FNDC3B: variants seen among roughly 807,000 people sequenced by gnomAD.
FNDC3B encodes fibronectin type III domain containing 3B, also known as fibronectin type III domain-containing protein 3B.
A neutral mutation model predicts 151.5 loss-of-function variants in FNDC3B; 12 were observed. The observed-to-expected ratio is 0.08, with a 90% CI of 0.05 to 0.13. The LOEUF (loss-of-function observed/expected upper bound fraction) is 0.13. Ranked by LOEUF, FNDC3B falls within the 10% of genes least tolerant of loss-of-function variation. The pLI, the probability that FNDC3B is intolerant of heterozygous loss-of-function variation, is 1.00. For missense variants in FNDC3B, 1,214 were observed against 1,505.3 expected, an observed-to-expected ratio of 0.81 and a Z score of 3.20; for synonymous variants, 528 against 549.0, an observed-to-expected ratio of 0.96 and a Z score of 0.54.
chr3:172,290,533 T>C (rs1168774251), intron 7 of FNDC3B, among the ~76,000 whole-genome samples: 2 of 152,178 alleles, frequency 1.3e-5, no homozygotes, highest in African/African-American at 2.4e-5. Context: ...TCCCATAGAC[T>C]GGTGGGCTGT....
intron 16 of FNDC3B, among the ~76,000 whole-genome samples, chr3:172,339,310 T>TCCCA (rs1412040683): frequency 6.6e-6 from 1 of 151,368 alleles, no homozygotes; most frequent in African/African-American, 2.4e-5. Flanking sequence ...ACACCTGTAA[T>TCCCA]CCCAGCACTT....
intron 3 of FNDC3B, chr3:172,186,678 T>A: frequency 1.4e-6 from 1 of 694,700 alleles, no homozygotes; most frequent in Non-Finnish European, 2.6e-6. Flanking sequence ...CCTCATTTAG[T>A]ACCTCCCTAT....
chr3:172,317,189 CTTT>C (rs562405291), intron 11 of FNDC3B: 11 of 388,096 alleles, frequency 2.8e-5, no homozygotes, highest in Admixed American at 5.9e-5. Context: ...TTCTTTTTTT[CTTT>C]TTTTTTTTTG....
chr3:172,147,970 T>C (rs1016310978), intron 3 of FNDC3B, among the ~76,000 whole-genome samples: 1 of 152,144 alleles, frequency 6.6e-6, no homozygotes, highest in African/African-American at 2.4e-5. Context: ...ATTTTTTTCT[T>C]TTTGAAAAAT....
intron 4 of FNDC3B, among the ~76,000 whole-genome samples, chr3:172,228,601 A>G (rs1045639925): frequency 6.6e-6 from 1 of 152,222 alleles, no homozygotes; most frequent in Non-Finnish European, 1.5e-5. Context: ...AGAAAATCCA[A>G]ATAGAGTAAA....
In FNDC3B at chr3:172,231,592, G is replaced by A. The variant is rs186926237; in HGVS notation, c.264+4645G>A. 4.6e-5 allele frequency among the ~76,000 whole-genome samples: 7 copies of A among 152,284 alleles called. 1 individual carries two copies. Among genetic ancestry groups the A allele is most frequent in the African/African-American group, 1.7e-4 (7 of 41,552 alleles). The stretch of plus-strand genomic sequence containing the variant: ...GATGGTGATGGTAACTACTATGAAT[G>A]TTGTGCACTGTGCTAAATGGTTTAT... On this transcript the variant is annotated intron_variant, in intron 4 of 25. Transcript: ENST00000415807.
At chr3:172,243,568 G>A (rs1452893091) in intron 4 of FNDC3B, among the ~76,000 whole-genome samples, 1 of 152,104 alleles carries the variant, frequency 6.6e-6, no homozygotes, top group African/African-American at 2.4e-5. Flanking sequence ...AACAGCACGG[G>A]AAAGACTTGC....
chr3:172,315,696 G>A (rs539456694), intron 11 of FNDC3B, among the ~76,000 whole-genome samples: 48 of 152,158 alleles, frequency 3.2e-4, no homozygotes, highest in African/African-American at 9.6e-4. Flanking sequence ...CAGTGTCCCC[G>A]CCCCCGTGTT....
At chr3:172,125,800 A>G (rs1413194176) in intron 2 of FNDC3B, among the ~76,000 whole-genome samples, 6 of 152,104 alleles carry the variant, frequency 3.9e-5, no homozygotes, top group Admixed American at 2.6e-4. Context: ...TTCTAAGGGG[A>G]ATACAGAATT....
At position 172,219,702 on chromosome 3, in the gene FNDC3B, G is replaced by A. The variant is rs192778276; in HGVS notation, c.188-7169G>A. 5.7e-3 allele frequency among the ~76,000 whole-genome samples: 862 copies of A among 152,222 alleles called. 6 individuals are homozygous for A. Among genetic ancestry groups the A allele is most frequent in the African/African-American group, 0.019 (797 of 41,522 alleles). On this transcript the variant is annotated intron_variant, in intron 3 of 25. Transcript: ENST00000415807. ...TAGATTTATTTATTCTGAATATTTC[G>A]TGTAAGTGGAATCACACAATATGGG...
At chr3:172,127,185 G>C (rs1013959514) in intron 2 of FNDC3B, 1 of 426,380 alleles carries the variant, frequency 2.3e-6, no homozygotes, top group South Asian at 1.7e-5. Flanking sequence ...TGAAGAAAAA[G>C]AAGTTGGGGG....
intron 3 of FNDC3B, among the ~76,000 whole-genome samples, chr3:172,223,813 T>C (rs995888224): frequency 4.6e-5 from 7 of 152,242 alleles, no homozygotes; most frequent in South Asian, 2.1e-4. Context: ...CAACCAAAAC[T>C]ATCTATAAAA....
intron 5 of FNDC3B, among the ~76,000 whole-genome samples, chr3:172,249,117 G>A (rs1400693351): frequency 3.3e-5 from 5 of 151,606 alleles, no homozygotes; most frequent in African/African-American, 1.2e-4. Flanking sequence ...TTTTTTTAAT[G>A]TATTCAGTGC....
chr3:172,312,816 C>T (rs2108256328), intron 11 of FNDC3B, among the ~76,000 whole-genome samples: 2 of 152,210 alleles, frequency 1.3e-5, no homozygotes, highest in Non-Finnish European at 1.5e-5. Flanking sequence ...ACTCAGTTAC[C>T]ATTGCTCAGT....
chr3:172,263,015 C>CATG (rs1728732608), intron 6 of FNDC3B, among the ~76,000 whole-genome samples: 1 of 148,768 alleles, frequency 6.7e-6, no homozygotes, highest in South Asian at 2.1e-4. Flanking sequence ...ATGAAGATGT[C>CATG]ATGCTTATTT....
chr3:172,158,045 C>T (rs1722584276), intron 3 of FNDC3B, among the ~76,000 whole-genome samples: 2 of 152,236 alleles, frequency 1.3e-5, no homozygotes, highest in South Asian at 2.1e-4. Flanking sequence ...GGAGGGGTGC[C>T]ATCTATGAGG....
intron 7 of FNDC3B, among the ~76,000 whole-genome samples, chr3:172,291,430 T>C (rs1005491075): frequency 1.3e-5 from 2 of 152,188 alleles, no homozygotes; most frequent in Non-Finnish European, 2.9e-5. Context: ...GAACTGCTTT[T>C]GAATTGGAAT....
chr3:172,341,092 T>C (rs201569180), intron 16 of FNDC3B, 21 bp from the exon 17 acceptor site: 4 of 1,514,248 alleles, frequency 2.6e-6, no homozygotes, highest in East Asian at 2.3e-5. Context: ...CATAAAGTCA[T>C]GCATAAGTCT....
intron 23 of FNDC3B, 118 bp from the exon 24 acceptor site, chr3:172,378,152 G>C (rs1373469564): frequency 2.2e-5 from 16 of 721,478 alleles, no homozygotes; most frequent in Non-Finnish European, 3.6e-5. Flanking sequence ...TATTAATTCA[G>C]AATGTATGGA....
Sources: gnomAD v4.1 joint callset for allele counts (sites outside exome capture counted in the v4.1 genomes callset) on GRCh38, gnomAD v4.1.1 for gene constraint, MANE v1.5 for transcripts, NCBI Gene and HGNC (gene_info 2026-07-23, HGNC 2026-07-21) for gene names.